Variants in FOCAD observed in about 807,000 individuals in gnomAD.
FOCAD encodes the protein KIAA1797.
FOCAD carries 198 observed loss-of-function variants against 225.6 expected under a neutral mutation model. The observed-to-expected ratio is 0.88, with a 90% CI of 0.78 to 0.99. The LOEUF (loss-of-function observed/expected upper bound fraction) is 0.99, where lower values mean the gene tolerates loss of function less well. Among genes scored for constraint, FOCAD ranks in the 50% least tolerant of loss-of-function variants. The pLI, the probability that FOCAD is intolerant of heterozygous loss-of-function variation, is 0.00. For missense variants in FOCAD, 2,713 were observed against 2,123.6 expected (o/e 1.28, Z -5.46); for synonymous variants, 897 against 755.0 (o/e 1.19, Z -3.08).
chr9:20,930,442 A>G (rs1318524133), intron 27 of FOCAD, among the ~76,000 whole-genome samples: 1 of 152,200 alleles, frequency 6.6e-6, no homozygotes, highest in Non-Finnish European at 1.5e-5. Flanking sequence ...CTTTGGAAAT[A>G]TGATAGTAGG....
chr9:20,766,977 C>T (rs1290952753), intron 7 of FOCAD, among the ~76,000 whole-genome samples: 3 of 151,922 alleles, frequency 2.0e-5, no homozygotes, highest in Admixed American at 6.6e-5. Flanking sequence ...CCTCCCCTCT[C>T]CCCCACCCCA....
At chr9:20,768,010 T>A (rs1830206326) in intron 7 of FOCAD, among the ~76,000 whole-genome samples, 1 of 151,886 alleles carries the variant, frequency 6.6e-6, no homozygotes. Context: ...GTATAAGGTG[T>A]AAGGAAGGGA....
intron 18 of FOCAD, among the ~76,000 whole-genome samples, chr9:20,867,616 A>G (rs1306588551): frequency 3.3e-5 from 5 of 152,056 alleles, no homozygotes; most frequent in African/African-American, 9.7e-5. Flanking sequence ...CTCTTCTAGT[A>G]TCTGCCTATT....
At chr9:20,840,453 T>TTTTAC (rs1826407180) in intron 15 of FOCAD, among the ~76,000 whole-genome samples, 1 of 151,140 alleles carries the variant, frequency 6.6e-6, no homozygotes, top group Non-Finnish European at 1.5e-5. Context: ...TTTTATTTTA[T>TTTTAC]TTTATGTAGA....
chr9:20,969,868 A>G (rs1044950622), intron 35 of FOCAD, among the ~76,000 whole-genome samples: 3 of 151,874 alleles, frequency 2.0e-5, no homozygotes, highest in Non-Finnish European at 4.4e-5. Flanking sequence ...ACTCCCATTA[A>G]CATTTCTCGT....
Position 20,795,024 on chromosome 9 carries a change from G to A in FOCAD, c.1455+5416G>A, listed in dbSNP as rs186093070. Among the ~76,000 whole-genome samples the A allele has an allele frequency of 1.0e-3, 155 of 152,250 alleles. 2 individuals carry two copies. The highest frequency in any genetic ancestry group is 7.0e-3 in the Admixed American group (107 of 15,292). Reference sequence around the variant, plus strand: ...ATATCCAGAAAATTTTATTAGTAATGTTAAATAATTGTTTATGTAAAATAT... The same window carrying A: ...ATATCCAGAAAATTTTATTAGTAATATTAAATAATTGTTTATGTAAAATAT... On this transcript the variant is annotated intron_variant, in intron 11 of 43. Coordinates refer to ENST00000338382, the MANE Select transcript of FOCAD (RefSeq NM_001375567.1).
chr9:20,882,031 A>C lies in FOCAD; in HGVS notation c.2478A>C (p.Gln826His), dbSNP rs996257837. ...FILKMYETNK[Q>H]PGLKPGLAGG... ...TGAAAATGTATGAAACAAACAAGCAACCAGGACTGAAACCTGGCCTTGCAG... is the reference window on the plus strand; with the variant it reads ...TGAAAATGTATGAAACAAACAAGCACCCAGGACTGAAACCTGGCCTTGCAG... The change falls in exon 20 of 44, where the codon CAA (glutamine) becomes CAC (histidine). Residue 826 changes from glutamine to histidine, a missense_variant. Physicochemically the swap from Gln to His is conservative, Grantham distance 24 (BLOSUM62 0). Coordinates refer to ENST00000338382, the MANE Select transcript of FOCAD (RefSeq NM_001375567.1). 1 of 1,613,588 alleles carries C rather than the reference A, an allele frequency of 6.2e-7. No individual in the cohort carries two copies. The highest frequency in any genetic ancestry group is 1.3e-5 in the African/African-American group (1 of 74,882).
intron 6 of FOCAD, among the ~76,000 whole-genome samples, chr9:20,762,796 G>A (rs181628529): frequency 2.1e-3 from 307 of 147,854 alleles, no homozygotes; most frequent in African/African-American, 7.4e-3. Context: ...GTGCCTAACA[G>A]GAAAATTTTC....
intron 3 of FOCAD, among the ~76,000 whole-genome samples, chr9:20,719,737 G>T (rs1200071325): frequency 6.8e-6 from 1 of 147,166 alleles, no homozygotes; most frequent in East Asian, 2.0e-4. Context: ...GTGAGAGGGG[G>T]AAAGTCACAG....
intron 8 of FOCAD, among the ~76,000 whole-genome samples, chr9:20,777,602 C>T (rs910053917): frequency 2.6e-5 from 4 of 151,836 alleles, no homozygotes; most frequent in African/African-American, 4.8e-5. Flanking sequence ...TAATGAATTA[C>T]GGTAATTCGA....
At chr9:20,920,849 A>T (rs1044917373) in intron 24 of FOCAD, among the ~76,000 whole-genome samples, 3 of 151,092 alleles carry the variant, frequency 2.0e-5, no homozygotes, top group East Asian at 1.9e-4. Context: ...GCATTAGGAG[A>T]TATACCTAAT....
rs998533590 is a variant in FOCAD at position 20,921,768 on chromosome 9, G to A, written c.2853-1892G>A. Among the ~76,000 whole-genome samples, 6 of 152,238 alleles carry A rather than the reference G, an allele frequency of 3.9e-5. No individual in the cohort carries two copies. The South Asian group carries it at 1.0e-3, about 26-fold the overall frequency. ...AACAATACATACTCAGATATGTCAA[G>A]ACTAGTGAAGGATTTGAAATAAAAT... On this transcript the variant is annotated intron_variant, in intron 24 of 43. Transcript: ENST00000338382.
At chr9:20,698,826 T>C (rs1259105005) in intron 1 of FOCAD, among the ~76,000 whole-genome samples, 1 of 152,232 alleles carries the variant, frequency 6.6e-6, no homozygotes, top group Non-Finnish European at 1.5e-5. Context: ...AGTTTATCTT[T>C]TAGATTTGTC....
At chr9:20,874,506 A>C (rs938834431) in intron 18 of FOCAD, 175 bp from the exon 19 acceptor site, 1 of 587,522 alleles carries the variant, frequency 1.7e-6, no homozygotes, top group African/African-American at 1.9e-5. Flanking sequence ...ATGACCATTT[A>C]GTTAATCTAA....
chr9:20,724,354 A>C (rs139679101), intron 4 of FOCAD, among the ~76,000 whole-genome samples: 2,000 of 152,292 alleles, frequency 0.013, 55 homozygotes, highest in African/African-American at 0.045. Flanking sequence ...GGTGGCCATA[A>C]ATTTTTAAGG....
chr9:20,917,100 A>G (rs954111955), intron 24 of FOCAD, among the ~76,000 whole-genome samples, 163 bp downstream of exon 24: 1 of 152,110 alleles, frequency 6.6e-6, no homozygotes, highest in African/African-American at 2.4e-5. Context: ...ATAGTAGGTG[A>G]ATTCTTACTA....
chr9:20,850,966 C>G (rs946009725), intron 15 of FOCAD, among the ~76,000 whole-genome samples: 4 of 151,002 alleles, frequency 2.6e-5, no homozygotes, highest in Middle Eastern at 3.4e-3. Context: ...CAACTGACCT[C>G]CTCCTGCAAA....
chr9:20,699,103 G>A (rs750740523), intron 1 of FOCAD, among the ~76,000 whole-genome samples: 12 of 152,152 alleles, frequency 7.9e-5, no homozygotes, highest in Non-Finnish European at 1.8e-4. Flanking sequence ...GGGACTTGGG[G>A]AGACTTTTGT....
intron 5 of FOCAD, among the ~76,000 whole-genome samples, chr9:20,747,361 G>A (rs1268958231): frequency 1.3e-5 from 2 of 152,052 alleles, no homozygotes; most frequent in African/African-American, 4.8e-5. Flanking sequence ...TACTTATACT[G>A]CTGATAAATG....
Sources: gnomAD v4.1 joint callset for allele counts (sites outside exome capture counted in the v4.1 genomes callset) on GRCh38, gnomAD v4.1.1 for gene constraint, MANE v1.5 for transcripts, NCBI Gene and HGNC (gene_info 2026-07-23, HGNC 2026-07-21) for gene names.